Variants in JAKMIP3 observed in about 807,000 individuals in gnomAD.
JAKMIP3 encodes Janus kinase and microtubule interacting protein 3, also known as janus kinase and microtubule-interacting protein 3.
JAKMIP3 carries 58 observed loss-of-function variants against 118.5 expected under a neutral mutation model. The observed-to-expected ratio is 0.49, with a 90% CI of 0.40 to 0.61. JAKMIP3 has a LOEUF of 0.61. JAKMIP3 is among the 20% of genes least tolerant of loss of function. The probability of loss-of-function intolerance (pLI) is 0.00; values close to 1 mark genes in which losing one functional copy is unlikely to be tolerated. For missense variants in JAKMIP3, 950 were observed against 1,109.0 expected (o/e 0.86, Z 2.04); for synonymous variants, 486 against 451.2 (o/e 1.08, Z -0.98).
rs2060818761 is a variant in JAKMIP3 at position 132,180,588 on chromosome 10, T to TGTGTGCGC, written c.*1104-1764_*1104-1763insCGCGTGTG. The stretch of plus-strand genomic sequence containing the variant: ...GTGTGCGTGTGTGTGTGCGTGCGCG[T>TGTGTGCGC]GTGTGTGTGCGTGCGCGTGTGTGTG... On this transcript the variant is annotated intron_variant, in intron 23 of 23. Transcript: ENST00000684848. 2.9e-4 allele frequency among the ~76,000 whole-genome samples: 8 copies of TGTGTGCGC among 28,012 alleles called. 2 individuals are homozygous for TGTGTGCGC. The highest frequency in any genetic ancestry group is 1.9e-3 in the African/African-American group (8 of 4,182). The allele number at this position is 28,012 out of a possible 152,430, so 18.4% of individuals were successfully genotyped here.
chr10:132,181,358 C>T (rs1431499915), intron 23 of JAKMIP3: 3 of 152,200 alleles, frequency 2.0e-5, no homozygotes, highest in African/African-American at 7.2e-5. Flanking sequence ...TTCAGAGAGG[C>T]ATTGACAGGG....
intron 11 of JAKMIP3, among the ~76,000 whole-genome samples, chr10:132,143,147 T>TGGGGGGGGGGGGGGG (rs1189453501): frequency 6.8e-6 from 1 of 147,458 alleles, no homozygotes; most frequent in African/African-American, 2.6e-5. Flanking sequence ...TGAGTCGGGG[T>TGGGGGGGGGGGGGGG]GGGGGGGGCT....
chr10:132,074,180 T>G lies in JAKMIP3; in HGVS notation c.-138+8119T>G, dbSNP rs190483381. On this transcript the variant is annotated intron_variant, in intron 1 of 23. Coordinates refer to ENST00000684848, the MANE Select transcript of JAKMIP3 (RefSeq NM_001323087.2). ...GATTCTGCTGCCTCAGACTCCTGAA[T>G]AGCTAGGATTACAGGCATGTGCCAC... Among the ~76,000 whole-genome samples, 444 of 152,314 alleles carry G rather than the reference T, an allele frequency of 2.9e-3. 6 individuals are homozygous for G. Among genetic ancestry groups the G allele is most frequent in the Non-Finnish European group, 4.2e-3 (286 of 68,030 alleles).
chr10:132,139,064 G>A (rs1193814008), intron 9 of JAKMIP3, among the ~76,000 whole-genome samples: 1 of 151,130 alleles, frequency 6.6e-6, no homozygotes, highest in Admixed American at 6.6e-5. Context: ...GTGTGTGTGT[G>A]TGTGTATGTG....
chr10:132,112,133 A>C lies in JAKMIP3; in HGVS notation c.136-4944A>C, dbSNP rs1054263348. 1.3e-5 allele frequency among the ~76,000 whole-genome samples: 2 copies of C among 151,878 alleles called. No individual in the cohort carries two copies. The highest frequency in any genetic ancestry group is 4.8e-5 in the African/African-American group (2 of 41,378). On this transcript the variant is annotated intron_variant, in intron 2 of 23. Transcript: ENST00000684848. This position sits in a 1 kb window ranked among gnomAD's most constrained non-coding sequence, Gnocchi z 4.3. ...TTGCTGAGGTGGCATCTGGGCGAGG[A>C]TGATGGGCACTGGGGGCCGGAGGAC...
At chr10:132,123,676 A>G (rs2048961457) in intron 3 of JAKMIP3, among the ~76,000 whole-genome samples, 3 of 152,132 alleles carry the variant, frequency 2.0e-5, no homozygotes, top group Admixed American at 1.3e-4. Flanking sequence ...TCTGGGCATG[A>G]GTGTGTCTTC....
chr10:132,177,824 T>C (rs1227575558), intron 23 of JAKMIP3, among the ~76,000 whole-genome samples: 1 of 149,660 alleles, frequency 6.7e-6, no homozygotes, highest in Non-Finnish European at 1.5e-5. Flanking sequence ...TGGTTGTGCG[T>C]GCGCACCTGC....
intron 2 of JAKMIP3, among the ~76,000 whole-genome samples, chr10:132,114,278 C>T (rs946929321): frequency 5.3e-5 from 8 of 152,340 alleles, no homozygotes; most frequent in South Asian, 2.1e-4. Flanking sequence ...TGCAGTGGTG[C>T]GATCACAGCT....
intron 23 of JAKMIP3, among the ~76,000 whole-genome samples, chr10:132,180,718 TGC>T (rs1427593131): frequency 0.012 from 225 of 18,764 alleles, 36 homozygotes; most frequent in East Asian, 0.1. Context: ...CGCGTGTGTG[TGC>T]GTGTGTGTGC....
chr10:132,118,768 A>G lies in JAKMIP3; in HGVS notation c.633+1194A>G, dbSNP rs1302049529. ...ACCTCTTCGCCCTGTCCCAAGCCAC[A>G]TATCGATGTCACCTTAGCAACCCAA... On this transcript the variant is annotated intron_variant, in intron 3 of 23. Transcript: ENST00000684848. The surrounding 1 kb of genome is among the most constrained non-coding windows in gnomAD (Gnocchi z 4.8). 6.6e-6 allele frequency among the ~76,000 whole-genome samples: 1 copy of G among 152,186 alleles called. No homozygotes were observed. Among genetic ancestry groups the G allele is most frequent in the Non-Finnish European group, 1.5e-5 (1 of 68,034 alleles).
chr10:132,051,292 G>A (rs1057004929), intron 1 of JAKMIP3, among the ~76,000 whole-genome samples: 10 of 142,446 alleles, frequency 7.0e-5, no homozygotes, highest in South Asian at 2.4e-4. Flanking sequence ...AATTCCAGCC[G>A]TTCTGGTTGG....
intron 9 of JAKMIP3, among the ~76,000 whole-genome samples, chr10:132,139,049 A>AGTGTGTGTGT (rs4009682): frequency 9.5e-4 from 142 of 150,190 alleles, no homozygotes; most frequent in African/African-American, 3.1e-3. Flanking sequence ...CTTTATGTTG[A>AGTGTGTGTGT]GTGTGTGTGT....
At chr10:132,123,703 A>T (rs1292521601) in intron 3 of JAKMIP3, among the ~76,000 whole-genome samples, 1 of 152,168 alleles carries the variant, frequency 6.6e-6, no homozygotes, top group Non-Finnish European at 1.5e-5. Context: ...GGCATTGCTG[A>T]GTGCAGCAGC....
intron 1 of JAKMIP3, among the ~76,000 whole-genome samples, chr10:132,040,020 G>A (rs2037673749): frequency 6.6e-6 from 1 of 152,224 alleles, no homozygotes; most frequent in African/African-American, 2.4e-5. Flanking sequence ...ACTAACACGT[G>A]CCCAGGTGAC....
At chr10:132,109,219 C>T (rs560535565) in intron 2 of JAKMIP3, among the ~76,000 whole-genome samples, 42 of 152,024 alleles carry the variant, frequency 2.8e-4, no homozygotes, top group African/African-American at 9.6e-4. Context: ...GGGAGGATGG[C>T]TTGAGCCCAG....
At chr10:132,159,594 GCA>G (rs1564981522) in intron 19 of JAKMIP3, among the ~76,000 whole-genome samples, 2 of 104,250 alleles carry the variant, frequency 1.9e-5, no homozygotes, top group African/African-American at 3.4e-5. Context: ...GATGCTGGGG[GCA>G]TGTCTTCCTA....
At chr10:132,106,718 C>G (rs2045968709) in intron 2 of JAKMIP3, among the ~76,000 whole-genome samples, 1 of 152,188 alleles carries the variant, frequency 6.6e-6, no homozygotes, top group Non-Finnish European at 1.5e-5. Flanking sequence ...GCTAATGCCC[C>G]CCGTCAAAAA....
intron 3 of JAKMIP3, among the ~76,000 whole-genome samples, chr10:132,128,349 G>T (rs767978075): frequency 3.4e-4 from 51 of 152,060 alleles, no homozygotes; most frequent in Non-Finnish European, 4.4e-5. Flanking sequence ...TTTAACTCTG[G>T]TTTTCATCAG....
At chr10:132,123,345 C>A (rs1011175547) in intron 3 of JAKMIP3, among the ~76,000 whole-genome samples, 7 of 152,180 alleles carry the variant, frequency 4.6e-5, no homozygotes, top group African/African-American at 1.7e-4. Flanking sequence ...CAAGTTCAGA[C>A]GTTGTTAAAG....
Sources: gnomAD v4.1 joint callset for allele counts (sites outside exome capture counted in the v4.1 genomes callset) on GRCh38, gnomAD v4.1.1 for gene constraint, Gnocchi (gnomAD v3.1) non-coding constraint, MANE v1.5 for transcripts, NCBI Gene and HGNC (gene_info 2026-07-23, HGNC 2026-07-21) for gene names.